The following EPHA5 variants were observed in gnomAD, a reference collection of about 807,000 sequenced individuals.
EPHA5 encodes the protein ephrin type-A receptor 5.
In EPHA5, 60 loss-of-function variants were observed where a neutral mutation model predicts 105.0. The ratio of observed to expected loss-of-function variants is 0.57; its 90% confidence interval spans 0.46 to 0.71. EPHA5 has a LOEUF of 0.71. Ranked by LOEUF, EPHA5 falls within the 30% of genes least tolerant of loss-of-function variation. The probability of loss-of-function intolerance (pLI) is 0.00; values close to 1 mark genes in which losing one functional copy is unlikely to be tolerated. For missense variants in EPHA5, 1,218 were observed against 1,274.7 expected (o/e 0.96, Z 0.68); for synonymous variants, 513 against 449.1 (o/e 1.14, Z -1.80).
intron 3 of EPHA5, among the ~76,000 whole-genome samples, chr4:65,578,612 A>C (rs531783139): frequency 1.3e-5 from 2 of 152,228 alleles, no homozygotes; most frequent in Non-Finnish European, 2.9e-5. Context: ...TCTAAATTAA[A>C]GTTTTGTAAA....
At chr4:65,608,754 A>T (rs1744481286) in intron 2 of EPHA5, among the ~76,000 whole-genome samples, 1 of 152,220 alleles carries the variant, frequency 6.6e-6, no homozygotes, top group Non-Finnish European at 1.5e-5. Flanking sequence ...CATGCATGAC[A>T]TAATTATACT....
chr4:65,392,389 G>A (rs1720805625), intron 8 of EPHA5, among the ~76,000 whole-genome samples: 2 of 151,952 alleles, frequency 1.3e-5, no homozygotes, highest in Admixed American at 6.6e-5. Flanking sequence ...GATTACAAAT[G>A]TTTGGTTACC....
chr4:65,344,943 T>C (rs1331798341), intron 14 of EPHA5, among the ~76,000 whole-genome samples: 1 of 152,162 alleles, frequency 6.6e-6, no homozygotes, highest in East Asian at 1.9e-4. Flanking sequence ...GTGTGATGCT[T>C]AGATACAAAA....
intron 3 of EPHA5, among the ~76,000 whole-genome samples, chr4:65,551,842 G>A (rs1737952629): frequency 6.6e-6 from 1 of 152,136 alleles, no homozygotes; most frequent in Non-Finnish European, 1.5e-5. Context: ...CATATAGGTA[G>A]TTAAATTATT....
At chr4:65,430,545 G>A (rs1351077162) in intron 5 of EPHA5, among the ~76,000 whole-genome samples, 2 of 149,916 alleles carry the variant, frequency 1.3e-5, no homozygotes, top group Non-Finnish European at 3.0e-5. Flanking sequence ...AACATTATGT[G>A]CCAGACAGTT....
chr4:65,520,946 C>T (rs1178446951), intron 3 of EPHA5, among the ~76,000 whole-genome samples: 3 of 152,096 alleles, frequency 2.0e-5, no homozygotes, highest in African/African-American at 4.8e-5. Context: ...ACTGCTTCAA[C>T]CATTGTGGAA....
At chr4:65,645,953 G>A (rs1748079273) in intron 1 of EPHA5, among the ~76,000 whole-genome samples, 1 of 152,054 alleles carries the variant, frequency 6.6e-6, no homozygotes, top group African/African-American at 2.4e-5. Context: ...TTGAGAAAAA[G>A]AGTAAAATTA....
chr4:65,578,350 C>T (rs773608461), intron 3 of EPHA5, among the ~76,000 whole-genome samples: 2 of 152,070 alleles, frequency 1.3e-5, no homozygotes, highest in African/African-American at 4.8e-5. Flanking sequence ...TTTTCCATCT[C>T]GTTTTCTTCT....
intron 13 of EPHA5, among the ~76,000 whole-genome samples, chr4:65,348,809 A>ATTTT (rs1257886289): frequency 1.1e-4 from 6 of 54,876 alleles, no homozygotes; most frequent in South Asian, 1.4e-3. Context: ...ATATATATAT[A>ATTTT]TATATATTTT....
rs1407253459 is a variant in EPHA5, at chr4:65,320,577, G to A, written c.*3537C>T. On this transcript the variant is annotated 3_prime_UTR_variant, in exon 17 of 17. Coordinates refer to ENST00000613740, the MANE Select transcript of EPHA5 (RefSeq NM_001281766.3). ...CCAATGCACTTTTATAGCCAAAAATGTCTTCAGAAGGTAAATATCTGTGCT... is the reference window on the plus strand; with the variant it reads ...CCAATGCACTTTTATAGCCAAAAATATCTTCAGAAGGTAAATATCTGTGCT... 2.2e-5 allele frequency: 5 copies of A among 229,438 alleles called. No homozygotes were observed. The East Asian group carries it at 2.5e-4, about 11-fold the overall frequency. 14.2% of individuals were successfully genotyped at this position (229,438 alleles called of 1,614,324 possible).
intron 15 of EPHA5, among the ~76,000 whole-genome samples, chr4:65,335,356 T>G (rs1454224087): frequency 6.6e-6 from 1 of 152,056 alleles, no homozygotes; most frequent in Non-Finnish European, 1.5e-5. Context: ...AATATGCTCA[T>G]TTACTCCCAC....
intron 3 of EPHA5, among the ~76,000 whole-genome samples, chr4:65,579,674 A>G (rs964006921): frequency 5.3e-5 from 8 of 151,884 alleles, no homozygotes; most frequent in African/African-American, 1.9e-4. Context: ...TAATTGCTTG[A>G]GTCTGTGATT....
At chr4:65,468,165 C>A (rs1728901004) in intron 5 of EPHA5, among the ~76,000 whole-genome samples, 1 of 152,076 alleles carries the variant, frequency 6.6e-6, no homozygotes, top group Admixed American at 6.6e-5. Flanking sequence ...ACCTATCCAA[C>A]CTGCATCTGG....
At chr4:65,375,955 T>C (rs925850258) in intron 8 of EPHA5, among the ~76,000 whole-genome samples, 1 of 151,960 alleles carries the variant, frequency 6.6e-6, no homozygotes, top group Non-Finnish European at 1.5e-5. Context: ...TTTAAAACTT[T>C]CTCCAAATTC....
chr4:65,399,354 T>A (rs1298162491), intron 8 of EPHA5, among the ~76,000 whole-genome samples: 1 of 152,130 alleles, frequency 6.6e-6, no homozygotes. Flanking sequence ...CCCTCACTGC[T>A]CCATGCCTGG....
At chr4:65,455,015 G>A (rs1163307202) in intron 5 of EPHA5, among the ~76,000 whole-genome samples, 1 of 152,074 alleles carries the variant, frequency 6.6e-6, no homozygotes, top group Non-Finnish European at 1.5e-5. Flanking sequence ...GGAGGCCGAG[G>A]CGGGCAGATC....
At chr4:65,505,853 A>G (rs957515125) in intron 3 of EPHA5, among the ~76,000 whole-genome samples, 6 of 151,710 alleles carry the variant, frequency 4.0e-5, no homozygotes, top group African/African-American at 1.5e-4. Flanking sequence ...TTATTTATTT[A>G]TTTTCTTTTA....
intron 1 of EPHA5, among the ~76,000 whole-genome samples, chr4:65,645,576 G>T (rs900363211): frequency 1.3e-5 from 2 of 150,774 alleles, no homozygotes; most frequent in African/African-American, 4.9e-5. Flanking sequence ...TCAGTTAACT[G>T]CACTTGAATT....
intron 5 of EPHA5, among the ~76,000 whole-genome samples, chr4:65,436,196 CT>C (rs1725466909): frequency 6.6e-6 from 1 of 152,012 alleles, no homozygotes; most frequent in African/African-American, 2.4e-5. Context: ...CAGAGTTGTT[CT>C]GATAAAATAG....
Sources: gnomAD v4.1 joint callset for allele counts (sites outside exome capture counted in the v4.1 genomes callset) on GRCh38, gnomAD v4.1.1 for gene constraint, MANE v1.5 for transcripts, NCBI Gene and HGNC (gene_info 2026-07-23, HGNC 2026-07-21) for gene names.